Variants in CATSPERD observed in about 807,000 individuals in gnomAD.
CATSPERD encodes the protein catsper channel auxiliary subunit delta.
A neutral mutation model predicts 98.1 loss-of-function variants in CATSPERD; 86 were observed. The ratio of observed to expected loss-of-function variants is 0.88; its 90% CI spans 0.74 to 1.05. The LOEUF (loss-of-function observed/expected upper bound fraction) is 1.05, where lower values mean the gene tolerates loss of function less well. Among genes scored for constraint, CATSPERD ranks in the 50% least tolerant of loss-of-function variants. CATSPERD has a pLI of 0.00. For synonymous variants in CATSPERD, 394 were observed against 390.2 expected, an observed-to-expected ratio of 1.01 and a Z score of -0.12; for missense variants, 995 against 1,005.7, an observed-to-expected ratio of 0.99 and a Z score of 0.14.
At chr19:5,765,303 C>T (rs1003346250) in intron 16 of CATSPERD, among the ~76,000 whole-genome samples, 2 of 152,180 alleles carry the variant, frequency 1.3e-5, no homozygotes, top group Non-Finnish European at 2.9e-5. Context: ...GGGTGCCGTG[C>T]ACTGCAGTTT....
Position 5,759,107 on chromosome 19 carries a change from C to G in CATSPERD, c.1390C>G (p.Gln464Glu), listed in dbSNP as rs953205497. 1 of 1,613,844 alleles carries G rather than the reference C, an allele frequency of 6.2e-7. No individual in the cohort carries two copies. The highest frequency in any genetic ancestry group is 8.5e-7 in the Non-Finnish European group (1 of 1,179,926). ...ACAGGATATTTTCCTAAAACAGCAGCAGCACTGGGGCAGGACCGACTCCAA... is the reference window on the plus strand; with the variant it reads ...ACAGGATATTTTCCTAAAACAGCAGGAGCACTGGGGCAGGACCGACTCCAA... ...YKLDIFLKQQ[Q>E]HWGRTDSNFT... Residue 464 changes from glutamine (Q) to glutamate (E), a missense_variant, in exon 15 of 22, where the codon CAG becomes GAG. Coordinates refer to ENST00000381624, the MANE Select transcript of CATSPERD (RefSeq NM_152784.4).
At chr19:5,745,150 C>A (rs2056069818) in intron 8 of CATSPERD, among the ~76,000 whole-genome samples, 1 of 151,842 alleles carries the variant, frequency 6.6e-6, no homozygotes. Context: ...ACCATATTGG[C>A]CAGGCTGGTC....
intron 19 of CATSPERD, among the ~76,000 whole-genome samples, 157 bp downstream of exon 19, chr19:5,771,229 C>T (rs183293190): frequency 1.3e-5 from 2 of 152,326 alleles, no homozygotes; most frequent in Admixed American, 1.3e-4. Flanking sequence ...CCCCACTGGC[C>T]CCCAGGGCCC....
Position 5,757,834 on chromosome 19 carries a change from C to T in CATSPERD, c.1279-9C>T, listed in dbSNP as rs116739754. The T allele has an allele frequency of 3.7e-6, 6 of 1,610,814 alleles. No homozygotes were observed. Among genetic ancestry groups the T allele is most frequent in the East Asian group, 2.2e-5 (1 of 44,760 alleles). ...CCGTACAGCCTGAGCTTCTCTCCCC[C>T]ACTCCCAGGTGATGGTGAGCAACCC... On this transcript the variant is annotated splice_polypyrimidine_tract_variant and intron_variant, in intron 13 of 21. Coordinates refer to ENST00000381624, the MANE Select transcript of CATSPERD (RefSeq NM_152784.4).
intron 15 of CATSPERD, among the ~76,000 whole-genome samples, chr19:5,762,359 C>A (rs759574330): frequency 4.6e-5 from 7 of 151,920 alleles, no homozygotes; most frequent in Non-Finnish European, 8.8e-5. Flanking sequence ...CCACTGAGGC[C>A]AGCCCCATAC....
In CATSPERD at chr19:5,729,918, C is replaced by T. The variant is rs747649810; in HGVS notation, c.250C>T (p.Pro84Ser). Residue 84 changes from proline (P) to serine (S), a missense_variant, in exon 4 of 22, where the codon CCA (proline) becomes TCA (serine). Around this residue, in one of 3 missense-constraint regions of CATSPERD, gnomAD observed 228 missense variants for 209.6 expected, o/e 1.09. Transcript: ENST00000381624. Reference sequence around the variant, plus strand: ...GGATAACTTTGAGACTAGTCTCCTTCCATTTACCATCCCTACATCAATGCA... The same window carrying T: ...GGATAACTTTGAGACTAGTCTCCTTTCATTTACCATCCCTACATCAATGCA... ...TMDNFETSLLPFTIPTSMQVG... is the reference protein window; with the variant it reads ...TMDNFETSLLSFTIPTSMQVG... 3.8e-5 allele frequency: 61 copies of T among 1,596,828 alleles called. No homozygotes were observed. Among genetic ancestry groups the T allele is most frequent in the Non-Finnish European group, 4.7e-5 (55 of 1,167,494 alleles).
chr19:5,755,768 T>C (rs2056313362), intron 13 of CATSPERD, among the ~76,000 whole-genome samples: 1 of 145,888 alleles, frequency 6.9e-6, no homozygotes, highest in African/African-American at 2.6e-5. Context: ...AGCGAGACTC[T>C]GTCTCAATAA....
At chr19:5,770,625 T>A (rs1368614961) in intron 18 of CATSPERD, among the ~76,000 whole-genome samples, 1 of 150,802 alleles carries the variant, frequency 6.6e-6, no homozygotes, top group Non-Finnish European at 1.5e-5. Context: ...TACAAAAATT[T>A]AAAATATTAA....
At chr19:5,744,207 T>G (rs1443225019) in intron 7 of CATSPERD, among the ~76,000 whole-genome samples, 1 of 152,124 alleles carries the variant, frequency 6.6e-6, no homozygotes. Context: ...CTCGAACTGC[T>G]GACCTCAGGT....
At chr19:5,768,696 C>T (rs926619230) in intron 18 of CATSPERD, among the ~76,000 whole-genome samples, 13 of 152,072 alleles carry the variant, frequency 8.5e-5, no homozygotes, top group African/African-American at 2.2e-4. Flanking sequence ...TGCAGCGATG[C>T]GATCATAGCT....
chr19:5,750,257 G>A (rs1412366229), intron 11 of CATSPERD, among the ~76,000 whole-genome samples: 2 of 149,656 alleles, frequency 1.3e-5, no homozygotes, highest in East Asian at 2.0e-4. Context: ...GACCATCCTG[G>A]CTAACACGGT....
chr19:5,751,483 G>A lies in CATSPERD; in HGVS notation c.988-164G>A, dbSNP rs553047536. On this transcript the variant is annotated intron_variant, in intron 11 of 21. Transcript: ENST00000381624. ...CGGGAGGCGGAGCTTGCAGTGAACC[G>A]AGATGGCGCCACTGCACTCCAGCCT... 3.5e-4 allele frequency among the ~76,000 whole-genome samples: 46 copies of A among 129,586 alleles called. 1 individual carries two copies. Among genetic ancestry groups the A allele is most frequent in the Admixed American group, 1.7e-3 (18 of 10,386 alleles). The allele number at this position is 129,586 out of a possible 152,430, so 85.0% of individuals were successfully genotyped here. A position where few individuals can be genotyped will look rare whatever the true frequency, so the allele number is the denominator to read the frequency against.
At chr19:5,757,771 C>A in intron 13 of CATSPERD, 72 bp from the exon 14 acceptor site, 1 of 1,139,020 alleles carries the variant, frequency 8.8e-7, no homozygotes. Flanking sequence ...GTGCTGGGCT[C>A]ACTGTGGGGG....
In CATSPERD at chr19:5,759,228, C is replaced by T. The variant is rs530326936; in HGVS notation, c.1427+84C>T. On this transcript the variant is annotated intron_variant, in intron 15 of 21. Coordinates refer to ENST00000381624, the MANE Select transcript of CATSPERD (RefSeq NM_152784.4). Reference sequence around the variant, plus strand: ...GAGCGAAGAGAAGCAGGTCTGAGATCAGACCCCCAGCTCCAGAACAGTAAA... The same window carrying T: ...GAGCGAAGAGAAGCAGGTCTGAGATTAGACCCCCAGCTCCAGAACAGTAAA... The T allele has an allele frequency of 6.2e-5, 75 of 1,212,544 alleles. No individual in the cohort carries two copies. The South Asian group carries it at 8.3e-4, about 13-fold the overall frequency. The allele number at this position is 1,212,544 out of a possible 1,614,324, so 75.1% of individuals were successfully genotyped here.
At chr19:5,766,010 C>A in intron 16 of CATSPERD, 93 bp from the exon 17 acceptor site, 1 of 926,204 alleles carries the variant, frequency 1.1e-6, no homozygotes, top group Non-Finnish European at 1.6e-6. Context: ...GTTTCCAAAC[C>A]ATTCCCACAG....
chr19:5,742,997 G>T (rs2056018449), intron 7 of CATSPERD, among the ~76,000 whole-genome samples: 1 of 151,972 alleles, frequency 6.6e-6, no homozygotes, highest in Non-Finnish European at 1.5e-5. Context: ...GAACTTTGCA[G>T]GTGGGATTAA....
rs1174201094 is a variant in CATSPERD at position 5,766,153 on chromosome 19, G to T, written c.1557G>T (p.Gln519His). 1 of 1,612,656 alleles carries T rather than the reference G, an allele frequency of 6.2e-7. No individual in the cohort carries two copies. ...GCDLDKKIVI[Q>H]NKVSACSMGI... ...ACCTGGATAAAAAGATCGTCATCCA[G>T]AAGTAAGTATGTTGAGGCCGGGCAC... The change falls in exon 17 of 22, where the codon CAG becomes CAT. Residue 519 changes from glutamine (Q) to histidine (H), a missense_variant and splice_region_variant. Physicochemically the swap from Gln to His is conservative, Grantham distance 24. Transcript: ENST00000381624.
At chr19:5,744,226 C>T (rs969438265) in intron 7 of CATSPERD, among the ~76,000 whole-genome samples, 3 of 152,096 alleles carry the variant, frequency 2.0e-5, no homozygotes, top group Non-Finnish European at 4.4e-5. Context: ...GTGATCCACC[C>T]GCCTCAGCCA....
At chr19:5,774,076 TC>T (rs1020728410) in intron 20 of CATSPERD, among the ~76,000 whole-genome samples, 29 of 149,488 alleles carry the variant, frequency 1.9e-4, no homozygotes, top group African/African-American at 7.1e-4. Flanking sequence ...CAAGCAATTC[TC>T]CCGCCTCAGC....
Sources: gnomAD v4.1 joint callset for allele counts (sites outside exome capture counted in the v4.1 genomes callset) on GRCh38, gnomAD v4.1.1 for gene constraint, gnomAD v4.1.1 regional missense constraint, MANE v1.5 for transcripts, NCBI Gene and HGNC (gene_info 2026-07-23, HGNC 2026-07-21) for gene names.